RAD54L2: variants seen among roughly 807,000 people sequenced by gnomAD.
RAD54L2 encodes RAD54 like 2, also known as helicase ARIP4.
Under a neutral mutation model 138.4 loss-of-function variants are expected in RAD54L2, and 27 were observed. That is an observed-to-expected ratio of 0.20 (90% CI 0.14 to 0.27). The LOEUF is 0.27. Ranked by LOEUF, RAD54L2 falls within the 10% of genes least tolerant of loss-of-function variation. RAD54L2 has a pLI of 1.00. For synonymous variants in RAD54L2, 644 were observed against 723.2 expected (o/e 0.89, Z 1.76); for missense variants, 1,396 against 1,890.2 (o/e 0.74, Z 4.85).
intron 3 of RAD54L2, among the ~76,000 whole-genome samples, chr3:51,599,842 T>C (rs1340165524): frequency 1.3e-5 from 2 of 151,774 alleles, no homozygotes; most frequent in African/African-American, 4.8e-5. Context: ...AGTCTCAAAC[T>C]CCTGGCCTGA....
chr3:51,609,994 G>T (rs953627868), intron 3 of RAD54L2, among the ~76,000 whole-genome samples: 7 of 151,924 alleles, frequency 4.6e-5, no homozygotes, highest in Admixed American at 3.3e-4. Flanking sequence ...AAATTAGCCG[G>T]GCGTGGCGGC....
intron 3 of RAD54L2, among the ~76,000 whole-genome samples, chr3:51,609,752 C>T: frequency 6.7e-6 from 1 of 149,188 alleles, no homozygotes; most frequent in East Asian, 2.0e-4. Flanking sequence ...TTTGTAGTCT[C>T]AGTGTTTCAA....
intron 2 of RAD54L2, among the ~76,000 whole-genome samples, chr3:51,558,067 A>G (rs910910556): frequency 1.3e-5 from 2 of 151,944 alleles, no homozygotes; most frequent in African/African-American, 4.8e-5. Context: ...GCTGGTCTCA[A>G]ATTTATAAGC....
chr3:51,642,906 A>G (rs1701175435), intron 15 of RAD54L2, among the ~76,000 whole-genome samples: 2 of 152,172 alleles, frequency 1.3e-5, no homozygotes, highest in Admixed American at 6.5e-5. Context: ...GTACCAAGCA[A>G]TTAAACTGTT....
intron 1 of RAD54L2, among the ~76,000 whole-genome samples, 50 bp downstream of exon 1, chr3:51,538,965 C>T (rs1229715079): frequency 6.6e-6 from 1 of 152,138 alleles, no homozygotes; most frequent in Non-Finnish European, 1.5e-5. Context: ...CGCCGGGTCC[C>T]GCAACAATGG....
intron 21 of RAD54L2, 116 bp from the exon 22 acceptor site, chr3:51,659,910 G>T: frequency 1.6e-6 from 1 of 625,858 alleles, no homozygotes. Flanking sequence ...GGTCTTGGGA[G>T]ATGGTATACC....
intron 3 of RAD54L2, among the ~76,000 whole-genome samples, chr3:51,616,832 G>A (rs1316876777): frequency 1.3e-5 from 2 of 151,012 alleles, no homozygotes; most frequent in Non-Finnish European, 2.9e-5. Context: ...TGTCTCAAAA[G>A]AAAAGAAAAG....
At chr3:51,594,389 G>C (rs1699910191) in intron 3 of RAD54L2, among the ~76,000 whole-genome samples, 1 of 152,082 alleles carries the variant, frequency 6.6e-6, no homozygotes, top group African/African-American at 2.4e-5. Flanking sequence ...TAATTGTCTG[G>C]ATAATCTTGT....
chr3:51,651,959 A>G (rs937841452), intron 19 of RAD54L2, among the ~76,000 whole-genome samples: 1 of 152,230 alleles, frequency 6.6e-6, no homozygotes, highest in Non-Finnish European at 1.5e-5. Flanking sequence ...AGAGAAAGAA[A>G]TAAAGGGTAT....
At chr3:51,556,570 T>C (rs2108697949) in intron 2 of RAD54L2, among the ~76,000 whole-genome samples, 1 of 127,024 alleles carries the variant, frequency 7.9e-6, no homozygotes, top group Admixed American at 7.9e-5. Context: ...TTTATCTCTC[T>C]TTTATCTATC....
In RAD54L2 at chr3:51,557,823, T is replaced by TC. The variant is rs1449683317; in HGVS notation, c.-55+16175dup. On this transcript the variant is annotated intron_variant, in intron 2 of 22. Coordinates refer to ENST00000684192, the MANE Select transcript of RAD54L2 (RefSeq NM_015106.4). ...TCAGCCTGGGTAACAAGAGGGAAAC[T>TC]CCATCTCAAAAAAAAAAAAAAAAAA... Among the ~76,000 whole-genome samples, 4 of 87,158 alleles carry TC rather than the reference T, an allele frequency of 4.6e-5. No individual in the cohort carries two copies. In the South Asian group the frequency reaches 1.3e-3, roughly 28 times the overall value. The allele number at this position is 87,158 out of a possible 152,430, so 57.2% of individuals were successfully genotyped here.
intron 16 of RAD54L2, among the ~76,000 whole-genome samples, chr3:51,644,383 T>C (rs191708086): frequency 1.4e-3 from 208 of 152,290 alleles, no homozygotes; most frequent in Non-Finnish European, 2.3e-3. Context: ...AGGTCGAAGC[T>C]GCAGTGAGCT....
In RAD54L2 at chr3:51,646,406, G is replaced by A. The variant is rs201833143; in HGVS notation, c.2951G>A (p.Arg984His). Reference protein sequence around the residue: ...EDKRTSVPYTRPSYAQYYPAS... With the variant: ...EDKRTSVPYTHPSYAQYYPAS... ...AAACGCACATCAGTCCCCTATACCC[G>A]CCCATCGTATGCGCAGTATTACCCT... The change falls in exon 19 of 23, where the codon CGC becomes CAC. Residue 984 changes from arginine to histidine, a missense_variant. Transcript: ENST00000684192. 10 of 1,613,730 alleles carry A rather than the reference G, an allele frequency of 6.2e-6. No individual in the cohort carries two copies. The highest frequency in any genetic ancestry group is 2.2e-5 in the East Asian group (1 of 44,864).
intron 2 of RAD54L2, among the ~76,000 whole-genome samples, chr3:51,557,370 T>TG (rs757698395): frequency 9.9e-5 from 15 of 151,434 alleles, no homozygotes; most frequent in Non-Finnish European, 2.2e-4. Context: ...TATGTAGAGA[T>TG]GGGGTCTCAC....
intron 2 of RAD54L2, among the ~76,000 whole-genome samples, chr3:51,575,970 T>C (rs1201582912): frequency 6.6e-6 from 1 of 152,204 alleles, no homozygotes; most frequent in East Asian, 1.9e-4. Flanking sequence ...TTCAGTATGA[T>C]ATTGGCTGTG....
rs904101025 is a variant in RAD54L2, at chr3:51,594,066, CT to C, written c.139+3529del. ...TTAATTGTCTTTCTTTTTTCTTTTTCTTTTTTTTTTTTTTTTTTTTTTGAGA... is the reference window on the plus strand; with the variant it reads ...TTAATTGTCTTTCTTTTTTCTTTTTCTTTTTTTTTTTTTTTTTTTTTGAGA... On this transcript the variant is annotated intron_variant, in intron 3 of 22. Coordinates refer to ENST00000684192, the MANE Select transcript of RAD54L2 (RefSeq NM_015106.4). Among the ~76,000 whole-genome samples, 556 of 105,132 alleles carry C rather than the reference CT, an allele frequency of 5.3e-3. 2 individuals are homozygous for C. Among genetic ancestry groups the C allele is most frequent in the African/African-American group, 0.013 (364 of 27,554 alleles). 69.0% of individuals were successfully genotyped at this position (105,132 alleles called of 152,430 possible). A position where few individuals can be genotyped will look rare whatever the true frequency, so the allele number is the denominator to read the frequency against.
At chr3:51,644,988 C>G in intron 16 of RAD54L2, 36 bp from the exon 17 acceptor site, 1 of 1,609,068 alleles carries the variant, frequency 6.2e-7, no homozygotes, top group East Asian at 2.2e-5. Context: ...TTTTTTAAGA[C>G]TAAAGGCTCT....
At chr3:51,646,617 GGT>G in intron 19 of RAD54L2, 136 bp downstream of exon 19, 1 of 972,798 alleles carries the variant, frequency 1.0e-6, no homozygotes, top group Non-Finnish European at 1.5e-6. Flanking sequence ...CTCTAGGGTA[GGT>G]GTGAAAGCAG....
intron 3 of RAD54L2, among the ~76,000 whole-genome samples, chr3:51,609,570 G>A (rs890837637): frequency 6.6e-6 from 1 of 152,182 alleles, no homozygotes; most frequent in Non-Finnish European, 1.5e-5. Context: ...ATTTTGTAAA[G>A]GTTTCTTATT....
Sources: allele counts gnomAD v4.1 joint callset (sites outside exome capture counted in the v4.1 genomes callset), GRCh38; gene constraint gnomAD v4.1.1; transcripts MANE v1.5; gene names NCBI Gene and HGNC (gene_info 2026-07-23, HGNC 2026-07-21).